RTKN2: variants seen among roughly 807,000 people sequenced by gnomAD.
RTKN2 encodes the protein rhotekin-2.
RTKN2 carries 69 observed loss-of-function variants against 71.5 expected under a neutral mutation model. The observed-to-expected ratio is 0.96, with a 90% CI of 0.79 to 1.18. RTKN2 has a LOEUF of 1.18. RTKN2 is among the 50% of genes most tolerant of loss of function. The pLI is 0.00. For missense variants in RTKN2, 724 were observed against 719.7 expected, an observed-to-expected ratio of 1.01 and a Z score of -0.07; for synonymous variants, 236 against 236.5, an observed-to-expected ratio of 1.00 and a Z score of 0.02.
At chr10:62,200,590 G>T (rs1841422670) in intron 10 of RTKN2, among the ~76,000 whole-genome samples, 1 of 151,782 alleles carries the variant, frequency 6.6e-6, no homozygotes, top group South Asian at 2.1e-4. Context: ...CTGAAATATA[G>T]TTACCTAGAA....
intron 3 of RTKN2, among the ~76,000 whole-genome samples, chr10:62,242,684 C>A (rs569702022): frequency 6.6e-6 from 1 of 151,758 alleles, no homozygotes; most frequent in Non-Finnish European, 1.5e-5. Flanking sequence ...CGTGCGATCT[C>A]ACTGCAACCT....
chr10:62,247,222 A>G (rs1842496346), intron 2 of RTKN2, among the ~76,000 whole-genome samples: 2 of 151,988 alleles, frequency 1.3e-5, no homozygotes, highest in South Asian at 4.1e-4. Context: ...TCTGTTAAAA[A>G]GACTGCCAAT....
rs569258900 is a variant in RTKN2 at position 62,252,665 on chromosome 10, A to T, written c.258-6608T>A. On this transcript the variant is annotated intron_variant, in intron 2 of 11. Coordinates refer to ENST00000373789, the MANE Select transcript of RTKN2 (RefSeq NM_145307.4). ...TAAGCTCATTGATCTTGACATAGAT[A>T]GTAGCTGGAAAAAAATGATATTACT... 7.2e-5 allele frequency among the ~76,000 whole-genome samples: 11 copies of T among 152,170 alleles called. No individual in the cohort carries two copies. In the South Asian group the frequency reaches 2.3e-3, roughly 32 times the overall value.
intron 2 of RTKN2, among the ~76,000 whole-genome samples, chr10:62,247,361 T>G (rs1196052483): frequency 1.3e-5 from 2 of 151,970 alleles, no homozygotes; most frequent in Non-Finnish European, 2.9e-5. Flanking sequence ...TTTACTGATG[T>G]AAAGTTCATA....
rs5785514 is a variant in RTKN2, at chr10:62,217,252, GAA to G, written c.889-5_889-4del. On this transcript the variant is annotated splice_region_variant and splice_polypyrimidine_tract_variant and intron_variant, in intron 8 of 11. Coordinates refer to ENST00000373789, the MANE Select transcript of RTKN2 (RefSeq NM_145307.4). Reference sequence around the variant, plus strand: ...CTAATCAGACCTTCTACCATTTGCTGAAAAAAAAAAAAAAAAAATCAAGAGAC... The same window carrying G: ...CTAATCAGACCTTCTACCATTTGCTGAAAAAAAAAAAAAAAATCAAGAGAC... The G allele has an allele frequency of 6.8e-4, 872 of 1,286,070 alleles. No individual in the cohort carries two copies. The highest frequency in any genetic ancestry group is 2.4e-3 in the South Asian group (146 of 60,286). 79.7% of individuals were successfully genotyped at this position (1,286,070 alleles called of 1,614,324 possible). A position where few individuals can be genotyped will look rare whatever the true frequency, so the allele number is the denominator to read the frequency against.
intron 8 of RTKN2, among the ~76,000 whole-genome samples, chr10:62,185,201 A>G (rs886261524): frequency 2.7e-5 from 4 of 147,296 alleles, no homozygotes; most frequent in Non-Finnish European, 6.0e-5. Context: ...TCCACAGTTA[A>G]AAAAAAAAAA....
intron 6 of RTKN2, among the ~76,000 whole-genome samples, chr10:62,235,386 A>G (rs1294180981): frequency 1.3e-5 from 2 of 152,174 alleles, no homozygotes; most frequent in African/African-American, 4.8e-5. Flanking sequence ...ACAGCAATTT[A>G]ATTAGTAGAT....
At chr10:62,264,655 C>T (rs1001640395) in intron 1 of RTKN2, among the ~76,000 whole-genome samples, 3 of 152,118 alleles carry the variant, frequency 2.0e-5, no homozygotes, top group African/African-American at 7.2e-5. Context: ...CCATCTGGTG[C>T]CACTAAATTC....
rs1330114221 is a variant in RTKN2 at position 62,197,087 on chromosome 10, TTC to T, written c.*819_*820del. ...TTCTGATATTTTTGAATCTCTCATC[TTC>T]TTTTTAAATAAGTATTAAATGAATT... is the stretch of plus-strand genomic sequence containing the variant. On this transcript the variant is annotated 3_prime_UTR_variant, in exon 12 of 12. Coordinates refer to ENST00000373789, the MANE Select transcript of RTKN2 (RefSeq NM_145307.4). 2.0e-6 allele frequency: 2 copies of T among 979,782 alleles called. No homozygotes were observed. The highest frequency in any genetic ancestry group is 3.5e-5 in the African/African-American group (2 of 57,114). The allele number at this position is 979,782 out of a possible 1,614,324, so 60.7% of individuals were successfully genotyped here.
chr10:62,189,422 G>A (rs1841185439), downstream of RTKN2, among the ~76,000 whole-genome samples: 1 of 152,216 alleles, frequency 6.6e-6, no homozygotes, highest in Non-Finnish European at 1.5e-5. Context: ...CAAGCTAGGA[G>A]AGGAACAGAC....
intron 2 of RTKN2, among the ~76,000 whole-genome samples, 167 bp downstream of exon 2, chr10:62,262,458 T>A (rs915568642): frequency 1.3e-5 from 2 of 152,234 alleles, no homozygotes; most frequent in African/African-American, 4.8e-5. Flanking sequence ...CTAAGTTCAC[T>A]CTGAGCTGTG....
intron 2 of RTKN2, among the ~76,000 whole-genome samples, chr10:62,254,952 C>G (rs1313625188): frequency 6.6e-6 from 1 of 151,912 alleles, no homozygotes; most frequent in Non-Finnish European, 1.5e-5. Context: ...CTGGGAGACA[C>G]AGTGAGACCC....
At chr10:62,214,741 C>T (rs1157219163) in intron 9 of RTKN2, among the ~76,000 whole-genome samples, 3 of 152,048 alleles carry the variant, frequency 2.0e-5, no homozygotes, top group South Asian at 4.1e-4. Flanking sequence ...TGCTCAGAAC[C>T]TCATTTTATA....
chr10:62,222,088 G>T (rs4979775), intron 7 of RTKN2, among the ~76,000 whole-genome samples: 1 of 151,554 alleles, frequency 6.6e-6, no homozygotes, highest in African/African-American at 2.4e-5. Context: ...GGGAAAGGAG[G>T]GGTAGTAACG....
At position 62,206,170 on chromosome 10, in the gene RTKN2, C is replaced by T. The variant is rs1293781463; in HGVS notation, c.1021-1148G>A. On this transcript the variant is annotated intron_variant, in intron 9 of 11. Transcript: ENST00000373789. ...TCTGGACCAGCCATATTGTAAGTGT[C>T]TAACAGTCACTCCAGGATAGTGGCT... 2.6e-5 allele frequency among the ~76,000 whole-genome samples: 4 copies of T among 152,096 alleles called. No individual in the cohort carries two copies. The South Asian group carries it at 8.3e-4, about 31-fold the overall frequency.
chr10:62,261,718 T>C (rs1251898790), intron 2 of RTKN2, among the ~76,000 whole-genome samples: 1 of 152,148 alleles, frequency 6.6e-6, no homozygotes, highest in Non-Finnish European at 1.5e-5. Context: ...CTACTTTGTA[T>C]CCAGGTCTCT....
At chr10:62,217,915 G>A (rs1393646532) in intron 8 of RTKN2, among the ~76,000 whole-genome samples, 2 of 152,048 alleles carry the variant, frequency 1.3e-5, no homozygotes, top group Non-Finnish European at 2.9e-5. Flanking sequence ...GTTTCCACAC[G>A]GAGCCCTCTG....
chr10:62,237,681 C>T (rs973315820), intron 5 of RTKN2, among the ~76,000 whole-genome samples: 1 of 151,714 alleles, frequency 6.6e-6, no homozygotes, highest in Non-Finnish European at 1.5e-5. Flanking sequence ...ATAGTGCACT[C>T]GTCACTGTGT....
chr10:62,193,587 A>C lies in RTKN2; in HGVS notation c.*4321T>G. On this transcript the variant is annotated 3_prime_UTR_variant, in exon 12 of 12. Transcript: ENST00000373789. Reference sequence around the variant, plus strand: ...AGATTTAGAAATAAAATGCTGAAATAATCCAACTGAGCCAGGATTGCTCAT... The same window carrying C: ...AGATTTAGAAATAAAATGCTGAAATCATCCAACTGAGCCAGGATTGCTCAT... 1.0e-6 allele frequency: 1 copy of C among 985,062 alleles called. No individual in the cohort carries two copies. The highest frequency in any genetic ancestry group is 1.2e-6 in the Non-Finnish European group (1 of 829,574). The allele number at this position is 985,062 out of a possible 1,614,324, so 61.0% of individuals were successfully genotyped here. A position where few individuals can be genotyped will look rare whatever the true frequency, so the allele number is the denominator to read the frequency against.
Sources: gnomAD v4.1 joint callset for allele counts (sites outside exome capture counted in the v4.1 genomes callset) on GRCh38, gnomAD v4.1.1 for gene constraint, MANE v1.5 for transcripts, NCBI Gene and HGNC (gene_info 2026-07-23, HGNC 2026-07-21) for gene names.